The following ZFHX4 variants were observed in gnomAD, a reference collection of about 807,000 sequenced individuals.
ZFHX4 encodes the protein zinc finger homeobox 4, also known as zinc finger homeobox protein 4.
ZFHX4 carries 56 observed loss-of-function variants against 267.6 expected under a neutral mutation model. The ratio of observed to expected loss-of-function variants is 0.21; its 90% confidence interval spans 0.17 to 0.26. The LOEUF is 0.26. ZFHX4 is among the 10% of genes least tolerant of loss of function. ZFHX4 has a pLI of 1.00. For missense variants in ZFHX4, 4,332 were observed against 4,420.0 expected (o/e 0.98, Z 0.56); for synonymous variants, 1,778 against 1,665.6 (o/e 1.07, Z -1.64).
intron 3 of ZFHX4, among the ~76,000 whole-genome samples, chr8:76,722,933 TTA>T (rs1429262441): frequency 2.6e-5 from 4 of 152,064 alleles, no homozygotes; most frequent in Non-Finnish European, 5.9e-5. Context: ...ATTCTTAACT[TTA>T]TCTCCCCAAT....
intron 1 of ZFHX4, among the ~76,000 whole-genome samples, chr8:76,687,344 G>A (rs1490192196): frequency 6.6e-6 from 1 of 152,196 alleles, no homozygotes; most frequent in Non-Finnish European, 1.5e-5. Flanking sequence ...TCCCTTGTGT[G>A]AGAATTTGCA....
intron 4 of ZFHX4, among the ~76,000 whole-genome samples, chr8:76,787,128 A>G (rs568417332): frequency 6.6e-6 from 1 of 152,304 alleles, no homozygotes; most frequent in South Asian, 2.1e-4. Context: ...ACAATTTTAT[A>G]TTGTTTCAAA....
Position 76,853,278 on chromosome 8 carries a change from A to G in ZFHX4, c.6357A>G (p.Leu2119=). 2 of 1,604,100 alleles carry G rather than the reference A, an allele frequency of 1.2e-6. No individual in the cohort carries two copies. The highest frequency in any genetic ancestry group is 1.7e-6 in the Non-Finnish European group (2 of 1,174,804). Residue 2119 remains leucine, a synonymous_variant, in exon 10 of 11, where the codon TTA becomes TTG. Transcript: ENST00000651372. The part of the protein sequence containing the change: ...LTQLCQQQLG[L]DPNFLRHSQF... ...AACTTTGCCAGCAGCAGCTCGGATT[A>G]GATCCCAACTTCTTAAGACATTCTC...
Position 76,681,710 on chromosome 8 carries a change from T to C in ZFHX4, c.-47+90T>C, listed in dbSNP as rs1257139539. On this transcript the variant is annotated intron_variant, in intron 1 of 10. Coordinates refer to ENST00000651372, the MANE Select transcript of ZFHX4 (RefSeq NM_024721.5). ...TTTCCAGCCTGATCTTGCACAATCTTTGATATTTCGCTCCCTCTCTCTCCC... is the reference window on the plus strand; with the variant it reads ...TTTCCAGCCTGATCTTGCACAATCTCTGATATTTCGCTCCCTCTCTCTCCC... The C allele has an allele frequency of 9.6e-5, 35 of 363,594 alleles. No individual in the cohort carries two copies. The East Asian group carries it at 1.4e-3, about 14-fold the overall frequency. 22.5% of individuals were successfully genotyped at this position (363,594 alleles called of 1,614,324 possible). A position where few individuals can be genotyped will look rare whatever the true frequency, so the allele number is the denominator to read the frequency against.
intron 3 of ZFHX4, among the ~76,000 whole-genome samples, chr8:76,747,694 G>C (rs1401089700): frequency 6.6e-6 from 1 of 152,154 alleles, no homozygotes; most frequent in Admixed American, 6.6e-5. Context: ...CACTTTGGGA[G>C]GCCGAGGCAG....
Position 76,851,551 on chromosome 8 carries a change from A to T in ZFHX4, c.4630A>T (p.Thr1544Ser). 6.2e-7 allele frequency: 1 copy of T among 1,613,954 alleles called. No individual in the cohort carries two copies. The highest frequency in any genetic ancestry group is 8.5e-7 in the Non-Finnish European group (1 of 1,179,876). Residue 1544 changes from threonine to serine, a missense_variant, in exon 10 of 11, where the codon ACA becomes TCA. Physicochemically the swap from Thr to Ser is moderately conservative, Grantham distance 58 (BLOSUM62 1). This residue lies in a region of ZFHX4 where 1,371 missense variants were observed against 1,423.1 expected (regional missense o/e 0.96). Transcript: ENST00000651372. ...FLDPSRPYKC[T>S]VCKESFTQKN... ...TGATCCATCTCGTCCATATAAATGT[A>T]CAGTGTGTAAAGAGTCATTCACCCA...
chr8:76,682,124 C>A (rs534902683), intron 1 of ZFHX4, among the ~76,000 whole-genome samples: 1 of 152,208 alleles, frequency 6.6e-6, no homozygotes, highest in Non-Finnish European at 1.5e-5. Flanking sequence ...TCGCCCCGCG[C>A]CCCTGCACCC....
At position 76,852,233 on chromosome 8, in the gene ZFHX4, C is replaced by T. The variant is rs566127152; in HGVS notation, c.5312C>T (p.Ala1771Val). 1.3e-4 allele frequency: 210 copies of T among 1,611,716 alleles called. No individual in the cohort carries two copies. Among genetic ancestry groups the T allele is most frequent in the Non-Finnish European group, 1.7e-4 (202 of 1,178,580 alleles). Reference protein sequence around the residue: ...TFGMPGMTGMAGSLLEDLKQQ... With the variant: ...TFGMPGMTGMVGSLLEDLKQQ... ...GGGATGCCTGGCATGACAGGAATGG[C>T]TGGCTCCTTGCTTGAAGACCTAAAG... Residue 1771 changes from alanine to valine, a missense_variant, in exon 10 of 11, where the codon GCT (alanine) becomes GTT (valine). Transcript: ENST00000651372.
chr8:76,765,575 T>C (rs531861226), intron 3 of ZFHX4, among the ~76,000 whole-genome samples: 4 of 152,258 alleles, frequency 2.6e-5, no homozygotes, highest in African/African-American at 9.6e-5. Context: ...CTAAGTGGTA[T>C]GGAACCAAAA....
rs1421264723 is a variant in ZFHX4, at chr8:76,856,186, C to T, written c.9265C>T (p.Leu3089Phe). 6.2e-7 allele frequency: 1 copy of T among 1,613,864 alleles called. No homozygotes were observed. Among genetic ancestry groups the T allele is most frequent in the Non-Finnish European group, 8.5e-7 (1 of 1,179,866 alleles). ...GCCAGGCATGATGGACAGCAGTTCT[C>T]TCCACGGCATCAGCCTGCCAACAGC... ...QQPGMMDSSS[L>F]HGISLPTAYP... The change falls in exon 10 of 11, where the codon CTC becomes TTC. Residue 3089 changes from leucine to phenylalanine, a missense_variant. Physicochemically the swap from Leu to Phe is conservative, Grantham distance 22. Coordinates refer to ENST00000651372, the MANE Select transcript of ZFHX4 (RefSeq NM_024721.5).
At chr8:76,727,936 T>G (rs1265663299) in intron 3 of ZFHX4, among the ~76,000 whole-genome samples, 1 of 152,168 alleles carries the variant, frequency 6.6e-6, no homozygotes, top group Non-Finnish European at 1.5e-5. Context: ...TTCACCTCAC[T>G]TGTTTAGGAT....
intron 4 of ZFHX4, among the ~76,000 whole-genome samples, chr8:76,793,610 A>G (rs1380885872): frequency 1.3e-5 from 2 of 152,204 alleles, no homozygotes; most frequent in Non-Finnish European, 2.9e-5. Flanking sequence ...ATTTCACTTT[A>G]TCCACCATTT....
intron 3 of ZFHX4, among the ~76,000 whole-genome samples, chr8:76,755,976 A>C (rs753194301): frequency 6.6e-6 from 1 of 152,176 alleles, no homozygotes; most frequent in Non-Finnish European, 1.5e-5. Flanking sequence ...TATTTCCATC[A>C]ACTTGCTTCG....
chr8:76,862,525 G>A (rs905380782), intron 10 of ZFHX4, among the ~76,000 whole-genome samples: 3 of 152,176 alleles, frequency 2.0e-5, no homozygotes, highest in Non-Finnish European at 4.4e-5. Flanking sequence ...GGTGTCTTCA[G>A]TGGTCATTTA....
In ZFHX4 at chr8:76,855,031, C is replaced by A. The variant is rs773292376; in HGVS notation, c.8110C>A (p.Gln2704Lys). The A allele has an allele frequency of 6.2e-7, 1 of 1,613,976 alleles. No individual in the cohort carries two copies. The highest frequency in any genetic ancestry group is 1.7e-5 in the Admixed American group (1 of 60,028). ...CTCTCGGCACTGGAATGAAGGAAAG[C>A]AGGCAGGTTACAGCTTGCCACCAAG... ...IRSRHWNEGK[Q>K]AGYSLPPSPL... Residue 2704 changes from glutamine to lysine, a missense_variant, in exon 10 of 11, where the codon CAG becomes AAG. Physicochemically the swap from Gln to Lys is moderately conservative, Grantham distance 53. Around this residue, in one of 7 missense-constraint regions of ZFHX4, gnomAD observed 1,648 missense variants for 1,625.0 expected, o/e 1.01. Coordinates refer to ENST00000651372, the MANE Select transcript of ZFHX4 (RefSeq NM_024721.5).
In ZFHX4 at chr8:76,855,426, G is replaced by A. The variant is rs2131961112; in HGVS notation, c.8505G>A (p.Pro2835=). The change falls in exon 10 of 11, where the codon CCG becomes CCA. Residue 2835 remains proline (P), a synonymous_variant. Coordinates refer to ENST00000651372, the MANE Select transcript of ZFHX4 (RefSeq NM_024721.5). The stretch of plus-strand genomic sequence containing the variant: ...CAGGAAGTTCCGGAGATGTGAAACC[G>A]GCTTTGTCTCCCAAAGAGCCAAAAA... ...STTGSSGDVK[P]ALSPKEPKTL... is the part of the protein sequence containing the mutation. 1.9e-6 allele frequency: 3 copies of A among 1,613,324 alleles called. No individual in the cohort carries two copies. The highest frequency in any genetic ancestry group is 2.5e-6 in the Non-Finnish European group (3 of 1,179,786).
At chr8:76,683,384 C>T (rs1224256384) in intron 1 of ZFHX4, 1 of 139,444 alleles carries the variant, frequency 7.2e-6, no homozygotes, top group African/African-American at 2.7e-5. Context: ...CACACATACA[C>T]ACACACACAA....
At chr8:76,813,240 G>A (rs1811422636) in intron 4 of ZFHX4, among the ~76,000 whole-genome samples, 1 of 152,078 alleles carries the variant, frequency 6.6e-6, no homozygotes, top group Non-Finnish European at 1.5e-5. Flanking sequence ...TTTTCAATCT[G>A]TTCTACTTGT....
chr8:76,732,621 A>C (rs906935139), intron 3 of ZFHX4, among the ~76,000 whole-genome samples: 3 of 152,200 alleles, frequency 2.0e-5, no homozygotes, highest in East Asian at 3.8e-4. Flanking sequence ...AAAATGCCTT[A>C]GTTGATTTCC....
Sources: allele counts gnomAD v4.1 joint callset (sites outside exome capture counted in the v4.1 genomes callset), GRCh38; gene constraint gnomAD v4.1.1; regional missense constraint gnomAD v4.1.1; transcripts MANE v1.5; gene names NCBI Gene and HGNC (gene_info 2026-07-23, HGNC 2026-07-21).